The following HELZ2 variants were observed in gnomAD, a reference collection of about 807,000 sequenced individuals.
HELZ2 encodes the protein 3'-5' exoribonuclease HELZ2.
Under a neutral mutation model 208.8 loss-of-function variants are expected in HELZ2, and 143 were observed. The observed-to-expected ratio is 0.68, with a 90% CI of 0.60 to 0.79. The LOEUF is 0.79. Among genes scored for constraint, HELZ2 ranks in the 30% least tolerant of loss-of-function variants. HELZ2 has a pLI of 0.00. For missense variants in HELZ2, 3,690 were observed against 3,794.5 expected (o/e 0.97, Z 0.72); for synonymous variants, 1,705 against 1,693.7 (o/e 1.01, Z -0.16).
rs371173053 is a variant in HELZ2, at chr20:63,563,761, G to A, written c.5061C>T (p.Ile1687=). 4.5e-4 allele frequency: 716 copies of A among 1,602,500 alleles called. 1 individual carries two copies. The highest frequency in any genetic ancestry group is 1.2e-3 in the Middle Eastern group (7 of 6,072). Residue 1687 remains isoleucine (I), a synonymous_variant, in exon 8 of 19, where the codon ATC becomes ATT. Transcript: ENST00000467148. The stretch of plus-strand genomic sequence containing the variant: ...AGCCCCCATGGCCCAGCGCCAGCAG[G>A]ATCTGCCGCTGCAACACCACGTCCA...
chr20:63,570,962 T>A, intron 1 of HELZ2, 94 bp from the exon 3 acceptor site: 1 of 984,836 alleles, frequency 1.0e-6, no homozygotes, highest in Non-Finnish European at 1.5e-6. Flanking sequence ...CTGGCCTCTG[T>A]AGGGAGCAGG....
At chr20:63,562,662 C>T (rs1441886314) in exon 8 of HELZ2, 1 of 1,597,594 alleles carries the variant, frequency 6.3e-7, no homozygotes, top group Non-Finnish European at 8.5e-7. Context: ...GCCCGGCGCT[C>T]CTGGTCCCAG....
chr20:63,567,394 C>G, exon 6 of HELZ2: 2 of 1,587,304 alleles, frequency 1.3e-6, no homozygotes, highest in Middle Eastern at 1.7e-4. Flanking sequence ...GACCGGCACC[C>G]TGAGCTCACG....
chr20:63,569,082 C>T, intron 4 of HELZ2, 66 bp downstream of exon 5: 2 of 1,585,896 alleles, frequency 1.3e-6, no homozygotes, highest in South Asian at 2.2e-5. Flanking sequence ...GCTCCCGTTG[C>T]CCCAGCCGCT....
downstream of HELZ2, chr20:63,558,346 G>C (rs919249553): frequency 6.7e-6 from 1 of 149,620 alleles, no homozygotes; most frequent in African/African-American, 2.5e-5. Flanking sequence ...CACAGGAAGA[G>C]TGCAGGCTTT....
chr20:63,566,798 C>A, intron 6 of HELZ2, 46 bp downstream of exon 7: 1 of 1,526,506 alleles, frequency 6.6e-7, no homozygotes, highest in East Asian at 2.3e-5. Context: ...TCCCCCTCCC[C>A]CAGCAGGGGT....
intron 3 of HELZ2, chr20:63,570,244 A>C: frequency 1.6e-6 from 1 of 608,146 alleles, no homozygotes; most frequent in Admixed American, 2.2e-5. Context: ...ACAGGCGTGA[A>C]CCACCGCACC....
chr20:63,560,249 G>C, exon 17 of HELZ2: 3 of 1,561,208 alleles, frequency 1.9e-6, no homozygotes, highest in Non-Finnish European at 2.6e-6. Context: ...TCAGAGGCCT[G>C]CGCGTTGTAG....
exon 8 of HELZ2, chr20:63,563,864 C>A: frequency 6.3e-7 from 1 of 1,595,638 alleles, no homozygotes; most frequent in East Asian, 2.3e-5. Context: ...CTGCTGGTGG[C>A]CCCGGGCGCA....
chr20:63,572,654 C>G (rs902422648), upstream of HELZ2: 31 of 449,714 alleles, frequency 6.9e-5, no homozygotes, highest in East Asian at 1.0e-3. Context: ...CTCGAAGCGG[C>G]CGCCAAACTC....
rs368526176 is a variant in HELZ2 at position 63,562,992 on chromosome 20, C to T, written c.5830G>A (p.Val1944Met). 4.8e-4 allele frequency: 762 copies of T among 1,599,110 alleles called. No homozygotes were observed. Among genetic ancestry groups the T allele is most frequent in the Non-Finnish European group, 6.2e-4 (723 of 1,173,244 alleles). Residue 1944 changes from valine (V) to methionine (M), a missense_variant, in exon 8 of 19, where the codon GTG becomes ATG. Transcript: ENST00000467148. ...TCCAGGGCGCAGAATGGTTCCCACA[C>T]GCAGGCGTACTCATCCACGTCGCGG...
At position 63,563,064 on chromosome 20, in the gene HELZ2, C is replaced by A; in HGVS notation, c.5758G>T (p.Gly1920Ter). The A allele has an allele frequency of 6.3e-7, 1 of 1,598,582 alleles. No individual in the cohort carries two copies. The highest frequency in any genetic ancestry group is 1.7e-5 in the Admixed American group (1 of 58,746). ...TACACACGGCCTGAGAAGCAGTCTC[C>A]GGGCCGCTCCACGTGCTCCAGGCAG... The change falls in exon 8 of 19, where the codon GGA becomes TGA. Residue 1920 changes from glycine (G) to a stop codon, truncating the protein, a stop_gained. Transcript: ENST00000467148. LOFTEE classifies it high-confidence loss of function.
exon 12 of HELZ2, chr20:63,561,646 A>G (rs2082888575): frequency 1.2e-6 from 2 of 1,612,322 alleles, no homozygotes; most frequent in Non-Finnish European, 1.7e-6. Flanking sequence ...CTTCCTGAGC[A>G]GCTTCCTGCT....
chr20:63,561,523 T>C, intron 12 of HELZ2, 57 bp from the exon 14 acceptor site: 1 of 1,575,094 alleles, frequency 6.3e-7, no homozygotes, highest in Admixed American at 1.7e-5. Context: ...GGGGCAGAGC[T>C]CAGTGAGACC....
chr20:63,566,814 C>A (rs375114476), intron 6 of HELZ2, 30 bp downstream of exon 7: 7 of 1,559,996 alleles, frequency 4.5e-6, no homozygotes, highest in South Asian at 1.2e-5. Flanking sequence ...GGGGTGCGGT[C>A]GGGGGCTGTC....
chr20:63,566,994 G>A (rs772580154), exon 6 of HELZ2: 4 of 1,610,930 alleles, frequency 2.5e-6, no homozygotes, highest in Non-Finnish European at 3.4e-6. Flanking sequence ...CCCGGTCTGG[G>A]CTGCCCGCCA....
chr20:63,568,510 G>A (rs769286865), exon 5 of HELZ2: 57 of 1,584,360 alleles, frequency 3.6e-5, no homozygotes, highest in Non-Finnish European at 4.4e-5. Context: ...CCCAGCCCGC[G>A]ATGAGCGCCA....
rs770608529 is a variant in HELZ2, at chr20:63,560,029, C to T, written c.7724G>A (p.Arg2575Gln). ...CTTCTTGAGCCAGCTCTTGGTGGGC[C>T]GCTGGTCCAGGTCGCTCTTGGCACA... The change falls in exon 18 of 19, where the codon CGG becomes CAG. Residue 2575 changes from arginine (R) to glutamine (Q), a missense_variant. Arg to Gln is a conservative substitution (Grantham distance 43, BLOSUM62 1). Transcript: ENST00000467148. The T allele has an allele frequency of 2.7e-5, 43 of 1,611,584 alleles. No homozygotes were observed. Among genetic ancestry groups the T allele is most frequent in the East Asian group, 2.5e-4 (11 of 44,872 alleles).
chr20:63,560,145 C>G (rs1016035941), intron 17 of HELZ2, 26 bp downstream of exon 18: 32 of 1,543,830 alleles, frequency 2.1e-5, no homozygotes, highest in African/African-American at 4.1e-5. Context: ...ACCCTCCCGG[C>G]CCCACCCACG....
Sources: gnomAD v4.1 joint callset for allele counts on GRCh38, gnomAD v4.1.1 for gene constraint, MANE v1.5 for transcripts, NCBI Gene and HGNC (gene_info 2026-07-23, HGNC 2026-07-21) for gene names.